The following GAB2 variants were observed in gnomAD, a reference collection of about 807,000 sequenced individuals.
GAB2 encodes the protein GRB2 associated binding protein 2, also known as GRB2-associated-binding protein 2.
GAB2 carries 26 observed loss-of-function variants against 65.5 expected under a neutral mutation model. The observed-to-expected ratio is 0.40, with a 90% CI of 0.29 to 0.55. The LOEUF (loss-of-function observed/expected upper bound fraction) is 0.55. GAB2 is among the 20% of genes least tolerant of loss of function. GAB2 has a pLI of 0.53. For synonymous variants in GAB2, 321 were observed against 329.6 expected (o/e 0.97, Z 0.28); for missense variants, 884 against 875.8 (o/e 1.01, Z -0.12).
intron 3 of GAB2, among the ~76,000 whole-genome samples, chr11:78,238,791 T>C (rs1187363771): frequency 6.6e-6 from 1 of 152,068 alleles, no homozygotes; most frequent in Non-Finnish European, 1.5e-5. Context: ...AAATTGAACA[T>C]CAGAATTAAA....
chr11:78,271,751 G>T (rs1281396359), intron 2 of GAB2, among the ~76,000 whole-genome samples: 1 of 152,184 alleles, frequency 6.6e-6, no homozygotes, highest in African/African-American at 2.4e-5. Context: ...CCAGCACTTT[G>T]GGAGGCCAAG....
At chr11:78,230,182 T>A (rs2134478167) in intron 3 of GAB2, among the ~76,000 whole-genome samples, 1 of 152,376 alleles carries the variant, frequency 6.6e-6, no homozygotes, top group Admixed American at 6.5e-5. Flanking sequence ...GTTGCTGCTA[T>A]CCCTTTTCCT....
chr11:78,279,837 T>C (rs1668145107), intron 2 of GAB2, among the ~76,000 whole-genome samples: 1 of 152,236 alleles, frequency 6.6e-6, no homozygotes, highest in Admixed American at 6.5e-5. Context: ...TTTTTGGCTA[T>C]TATGAATAAT....
intron 1 of GAB2, among the ~76,000 whole-genome samples, chr11:78,377,553 A>T (rs59093183): frequency 6.6e-6 from 1 of 152,168 alleles, no homozygotes; most frequent in African/African-American, 2.4e-5. Context: ...CGGCATGTTG[A>T]CCAGGCAAGT....
At chr11:78,274,605 T>C (rs971103659) in intron 2 of GAB2, among the ~76,000 whole-genome samples, 2 of 152,196 alleles carry the variant, frequency 1.3e-5, no homozygotes, top group African/African-American at 2.4e-5. Flanking sequence ...GCTCATGTAA[T>C]CAGAGTGGTG....
intron 1 of GAB2, among the ~76,000 whole-genome samples, chr11:78,413,511 T>C (rs1368722680): frequency 6.6e-6 from 1 of 152,158 alleles, no homozygotes; most frequent in South Asian, 2.1e-4. Flanking sequence ...GTGACCTGGG[T>C]ATCGCTGGTG....
intron 1 of GAB2, among the ~76,000 whole-genome samples, chr11:78,297,551 TAGCTC>T (rs1866868626): frequency 6.6e-6 from 1 of 151,270 alleles, no homozygotes; most frequent in African/African-American, 2.4e-5. Context: ...CCCAGGGGAG[TAGCTC>T]AGGCAGGGAG....
rs138915897 is a variant in GAB2, at chr11:78,372,243, C to T, written c.75+45403G>A. Among the ~76,000 whole-genome samples, 641 of 152,292 alleles carry T rather than the reference C, an allele frequency of 4.2e-3. 3 individuals are homozygous for T. Among genetic ancestry groups the T allele is most frequent in the African/African-American group, 0.015 (608 of 41,550 alleles). On this transcript the variant is annotated intron_variant, in intron 1 of 9. Transcript: ENST00000361507. ...ACCTTAGCCTCTCTCTGAGCTCTCA[C>T]CCTCCTGACTCTGCTTTAAGCCTGC...
At chr11:78,339,735 GA>G (rs1464362780) in intron 1 of GAB2, among the ~76,000 whole-genome samples, 12 of 152,196 alleles carry the variant, frequency 7.9e-5, no homozygotes, top group African/African-American at 2.9e-4. Flanking sequence ...CTACAGAGCT[GA>G]TAGGTCACCT....
intron 3 of GAB2, among the ~76,000 whole-genome samples, chr11:78,230,733 A>G (rs922576709): frequency 6.6e-6 from 1 of 152,266 alleles, no homozygotes; most frequent in Admixed American, 6.5e-5. Flanking sequence ...ACTCTTGCCC[A>G]AAGTTACATA....
In GAB2 at chr11:78,219,196, C is replaced by T. The variant is rs948039263; in HGVS notation, c.*76G>A. 3.0e-5 allele frequency: 41 copies of T among 1,371,322 alleles called. No individual in the cohort carries two copies. The African/African-American group carries it at 3.4e-4, about 11-fold the overall frequency. The allele number at this position is 1,371,322 out of a possible 1,614,324, so 84.9% of individuals were successfully genotyped here. A position where few individuals can be genotyped will look rare whatever the true frequency, so the allele number is the denominator to read the frequency against. On this transcript the variant is annotated 3_prime_UTR_variant, in exon 10 of 10. Coordinates refer to ENST00000361507, the MANE Select transcript of GAB2 (RefSeq NM_080491.3). ...GAGAGGAGGTGGATGGGAGGAAGAACGGGAGAGGGGAGAGGGGAGATGGGA... is the reference window on the plus strand; with the variant it reads ...GAGAGGAGGTGGATGGGAGGAAGAATGGGAGAGGGGAGAGGGGAGATGGGA...
chr11:78,323,902 A>G (rs1681976499), intron 1 of GAB2, among the ~76,000 whole-genome samples: 1 of 148,626 alleles, frequency 6.7e-6, no homozygotes, highest in Non-Finnish European at 1.5e-5. Context: ...GGTTCAAGCA[A>G]TTTTCCTCCC....
intron 1 of GAB2, among the ~76,000 whole-genome samples, chr11:78,333,974 C>T (rs1855957693): frequency 6.6e-6 from 1 of 152,180 alleles, no homozygotes; most frequent in Non-Finnish European, 1.5e-5. Flanking sequence ...TACTCCTAGA[C>T]TGGCATCTCC....
At chr11:78,362,778 A>G (rs115314747) in intron 1 of GAB2, among the ~76,000 whole-genome samples, 2,641 of 152,294 alleles carry the variant, frequency 0.017, 89 homozygotes, top group African/African-American at 0.062. Context: ...AGGATGGAAA[A>G]AATTACATAA....
At chr11:78,273,433 T>C (rs1265370002) in intron 2 of GAB2, among the ~76,000 whole-genome samples, 1 of 152,238 alleles carries the variant, frequency 6.6e-6, no homozygotes, top group Non-Finnish European at 1.5e-5. Context: ...GCTTTAAGAT[T>C]TGACTGCCCC....
chr11:78,253,239 C>G (rs1206974195), intron 2 of GAB2, among the ~76,000 whole-genome samples: 2 of 152,040 alleles, frequency 1.3e-5, no homozygotes, highest in Non-Finnish European at 2.9e-5. Context: ...TCGATCACCA[C>G]TGCCTCAGCC....
intron 1 of GAB2, among the ~76,000 whole-genome samples, chr11:78,322,125 C>T (rs531628492): frequency 4.0e-5 from 6 of 151,318 alleles, no homozygotes; most frequent in African/African-American, 4.8e-5. Context: ...GCCAACATGG[C>T]GAAACCCTGT....
rs58651538 is a variant in GAB2, at chr11:78,231,336, G to GGTGTGTGTGTGTGTGTGT, written c.621-4303_621-4286dup. On this transcript the variant is annotated intron_variant, in intron 3 of 9. Transcript: ENST00000361507. The stretch of plus-strand genomic sequence containing the variant: ...CCTTGGTGCGCGCGCGCGCGTGTGT[G>GGTGTGTGTGTGTGTGTGT]GTGTGTGTGTGTGTGTGTGTGTGTG... Among the ~76,000 whole-genome samples the GGTGTGTGTGTGTGTGTGT allele has an allele frequency of 3.6e-3, 518 of 145,876 alleles. 1 individual carries two copies. The highest frequency in any genetic ancestry group is 7.6e-3 in the South Asian group (35 of 4,582).
Position 78,295,122 on chromosome 11 carries a change from GAC to G in GAB2, c.76-14223_76-14222del, listed in dbSNP as rs1866791997. Among the ~76,000 whole-genome samples, 5 of 152,220 alleles carry G rather than the reference GAC, an allele frequency of 3.3e-5. No individual in the cohort carries two copies. The East Asian group carries it at 9.6e-4, about 29-fold the overall frequency. On this transcript the variant is annotated intron_variant, in intron 1 of 9. Coordinates refer to ENST00000361507, the MANE Select transcript of GAB2 (RefSeq NM_080491.3). ...AAAGAAGACATTTATGCAGCCAAAA[GAC>G]ACATGAAAAAATGCTCATCATCACT...
Sources: allele counts gnomAD v4.1 joint callset (sites outside exome capture counted in the v4.1 genomes callset), GRCh38; gene constraint gnomAD v4.1.1; transcripts MANE v1.5; gene names NCBI Gene and HGNC (gene_info 2026-07-23, HGNC 2026-07-21).